Variants in SYN3 observed in about 807,000 individuals in gnomAD.
SYN3 encodes the protein synapsin-3.
Under a neutral mutation model 65.8 loss-of-function variants are expected in SYN3, and 35 were observed. The ratio of observed to expected loss-of-function variants is 0.53; its 90% CI spans 0.41 to 0.70. The LOEUF (loss-of-function observed/expected upper bound fraction) is 0.70, where lower values mean the gene tolerates loss of function less well. Ranked by LOEUF, SYN3 falls within the 30% of genes least tolerant of loss-of-function variation. The probability of loss-of-function intolerance (pLI) is 0.00; values close to 1 mark genes in which losing one functional copy is unlikely to be tolerated. For missense variants in SYN3, 680 were observed against 749.0 expected (o/e 0.91, Z 1.08); for synonymous variants, 270 against 292.9 (o/e 0.92, Z 0.80).
chr22:32,561,751 A>G (rs2058589529), intron 7 of SYN3, among the ~76,000 whole-genome samples: 1 of 152,202 alleles, frequency 6.6e-6, no homozygotes, highest in Non-Finnish European at 1.5e-5. Flanking sequence ...CACGAAGAGC[A>G]TGGAATCTAC....
At chr22:32,903,638 G>A (rs1166723818) in intron 4 of SYN3, among the ~76,000 whole-genome samples, 2 of 152,184 alleles carry the variant, frequency 1.3e-5, no homozygotes, top group African/African-American at 4.8e-5. Flanking sequence ...GGTTACCATC[G>A]GCCTCCAGGC....
At chr22:32,709,710 C>G (rs902212387) in intron 6 of SYN3, among the ~76,000 whole-genome samples, 3 of 151,968 alleles carry the variant, frequency 2.0e-5, no homozygotes, top group African/African-American at 7.2e-5. Flanking sequence ...TTTTTTCCCC[C>G]ACAACTCTTT....
At chr22:32,772,479 T>A (rs1318635850) in intron 6 of SYN3, among the ~76,000 whole-genome samples, 1 of 152,026 alleles carries the variant, frequency 6.6e-6, no homozygotes, top group Non-Finnish European at 1.5e-5. Context: ...AGCTTTTTTG[T>A]ATAGGGACAT....
At chr22:32,601,877 G>A (rs1265453731) in intron 6 of SYN3, among the ~76,000 whole-genome samples, 2 of 152,120 alleles carry the variant, frequency 1.3e-5, no homozygotes, top group Non-Finnish European at 2.9e-5. Context: ...AATGCCACTG[G>A]TTGGGCCTGG....
chr22:33,058,358 C>G lies in SYN3; in HGVS notation c.-229G>C, dbSNP rs2145997668. ...CGCGGCGCCCGCCAGTCGATCCGCT[C>G]CGGGTCCCGGGAGCTCAGCCTCTGC... is the stretch of plus-strand genomic sequence containing the variant. On this transcript the variant is annotated 5_prime_UTR_variant, in exon 1 of 14. Coordinates refer to ENST00000358763, the MANE Select transcript of SYN3 (RefSeq NM_003490.4). 1 of 151,696 alleles carries G rather than the reference C, an allele frequency of 6.6e-6. No individual in the cohort carries two copies. The highest frequency in any genetic ancestry group is 2.1e-4 in the South Asian group (1 of 4,830). 9.4% of individuals were successfully genotyped at this position (151,696 alleles called of 1,614,324 possible). A position where few individuals can be genotyped will look rare whatever the true frequency, so the allele number is the denominator to read the frequency against.
intron 1 of SYN3, among the ~76,000 whole-genome samples, chr22:33,034,193 A>ACAC (rs144640640): frequency 3.8e-4 from 58 of 151,130 alleles, no homozygotes; most frequent in Non-Finnish European, 7.4e-4. Flanking sequence ...GTTAAAAAAA[A>ACAC]ACACACACAC....
intron 6 of SYN3, among the ~76,000 whole-genome samples, chr22:32,835,383 G>A (rs2146158701): frequency 6.6e-6 from 1 of 152,314 alleles, no homozygotes; most frequent in African/African-American, 2.4e-5. Context: ...GATGAGACAT[G>A]ATTCAAATGA....
At chr22:32,606,165 A>G (rs16990837) in intron 6 of SYN3, among the ~76,000 whole-genome samples, 46,157 of 151,982 alleles carry the variant, frequency 0.3, 8,347 homozygotes, top group African/African-American at 0.5. Flanking sequence ...AGTGGGGGCC[A>G]TGGGATGTCA....
intron 4 of SYN3, among the ~76,000 whole-genome samples, chr22:32,917,017 G>A (rs542804908): frequency 5.3e-5 from 8 of 152,298 alleles, no homozygotes; most frequent in African/African-American, 1.9e-4. Context: ...AGGGAGCAGG[G>A]AAGGGTGTAC....
intron 6 of SYN3, among the ~76,000 whole-genome samples, chr22:32,627,915 G>A (rs752957437): frequency 6.6e-6 from 1 of 152,100 alleles, no homozygotes; most frequent in Non-Finnish European, 1.5e-5. Flanking sequence ...TGCAAGCTCC[G>A]CCTCCCGGGT....
rs1476982896 is a variant in SYN3 at position 32,603,590 on chromosome 22, A to C, written c.712-6854T>G. On this transcript the variant is annotated intron_variant, in intron 6 of 13. Transcript: ENST00000358763. ...CACAGCCCTTTGCCCGAAGCCAGAC[A>C]GTGAAGACGGTGCTGCTGCCCTGTG... Among the ~76,000 whole-genome samples the C allele has an allele frequency of 2.6e-5, 4 of 151,354 alleles. No individual in the cohort carries two copies. The East Asian group carries it at 7.8e-4, about 29-fold the overall frequency.
intron 6 of SYN3, among the ~76,000 whole-genome samples, chr22:32,806,418 C>G (rs143420300): frequency 6.6e-6 from 1 of 152,162 alleles, no homozygotes; most frequent in Non-Finnish European, 1.5e-5. Flanking sequence ...AACAACAACA[C>G]GATTCTCCAT....
chr22:33,030,160 CA>C (rs762933570), intron 1 of SYN3, among the ~76,000 whole-genome samples: 9 of 152,280 alleles, frequency 5.9e-5, no homozygotes, highest in South Asian at 2.1e-4. Flanking sequence ...CAGCAGCAGG[CA>C]GGGCCAGGCA....
chr22:32,517,648 G>A (rs1343236753), intron 13 of SYN3, among the ~76,000 whole-genome samples: 1 of 152,240 alleles, frequency 6.6e-6, no homozygotes, highest in East Asian at 1.9e-4. Flanking sequence ...GGTATCCTAT[G>A]TTTTATTCTG....
In SYN3 at chr22:32,964,879, A is replaced by G. The variant is rs534850617; in HGVS notation, c.369+15766T>C. 9.9e-5 allele frequency among the ~76,000 whole-genome samples: 15 copies of G among 151,936 alleles called. No homozygotes were observed. The East Asian group carries it at 1.4e-3, about 14-fold the overall frequency. On this transcript the variant is annotated intron_variant, in intron 3 of 13. Coordinates refer to ENST00000358763, the MANE Select transcript of SYN3 (RefSeq NM_003490.4). ...TTATTGCCAAGTTCTTCCCCTTAGG[A>G]TGTCTAAAGTCAGACTTGGCAAGGA...
intron 1 of SYN3, among the ~76,000 whole-genome samples, chr22:33,022,386 T>G (rs1353854536): frequency 2.0e-5 from 3 of 152,234 alleles, no homozygotes; most frequent in Non-Finnish European, 4.4e-5. Flanking sequence ...CTTAACTTCC[T>G]GAAGAGCAGG....
chr22:32,888,702 C>T (rs1015162699), intron 4 of SYN3, among the ~76,000 whole-genome samples: 1 of 152,118 alleles, frequency 6.6e-6, no homozygotes, highest in African/African-American at 2.4e-5. Context: ...TCATGCATCT[C>T]AAATCTGAAA....
intron 6 of SYN3, among the ~76,000 whole-genome samples, chr22:32,692,540 G>T (rs2060679498): frequency 6.6e-6 from 1 of 152,176 alleles, no homozygotes; most frequent in African/African-American, 2.4e-5. Flanking sequence ...CTCACTGTGG[G>T]CTCCAACCAC....
At chr22:32,757,601 C>A (rs968052230) in intron 6 of SYN3, among the ~76,000 whole-genome samples, 1 of 152,138 alleles carries the variant, frequency 6.6e-6, no homozygotes, top group Non-Finnish European at 1.5e-5. Context: ...CCGGCCTGGG[C>A]TCCTCCTACC....
Sources: allele counts gnomAD v4.1 joint callset (sites outside exome capture counted in the v4.1 genomes callset), GRCh38; gene constraint gnomAD v4.1.1; transcripts MANE v1.5; gene names NCBI Gene and HGNC (gene_info 2026-07-23, HGNC 2026-07-21).